The following GPR161 variants were observed in gnomAD, a reference collection of about 807,000 sequenced individuals.
GPR161 encodes G protein-coupled receptor 161.
A neutral mutation model predicts 39.2 loss-of-function variants in GPR161; 25 were observed. That is an observed-to-expected ratio of 0.64 (90% CI 0.47 to 0.89). The LOEUF is 0.89. GPR161 is among the 40% of genes least tolerant of loss of function. The pLI is 0.00. For synonymous variants in GPR161, 286 were observed against 276.6 expected (o/e 1.03, Z -0.34); for missense variants, 547 against 677.8 (o/e 0.81, Z 2.14).
intron 1 of GPR161, among the ~76,000 whole-genome samples, chr1:168,106,847 G>C (rs1696666413): frequency 6.6e-6 from 1 of 152,050 alleles, no homozygotes; most frequent in African/African-American, 2.4e-5. Flanking sequence ...CTCCAGCTTT[G>C]TGCTATGGAG....
rs1572278510 is a variant in GPR161, at chr1:168,098,649, G to A, written c.375-1417C>T. On this transcript the variant is annotated intron_variant, in intron 2 of 5. Transcript: ENST00000682931. This position sits in a 1 kb window ranked among gnomAD's most constrained non-coding sequence, Gnocchi z 4.1. ...CTGCCTCCTTGGTCTTCCTAAGCAG[G>A]GGTGAGCCTGGGGCTGCTCTGAGCT... Among the ~76,000 whole-genome samples the A allele has an allele frequency of 6.6e-6, 1 of 152,240 alleles. No individual in the cohort carries two copies. Among genetic ancestry groups the A allele is most frequent in the Non-Finnish European group, 1.5e-5 (1 of 68,036 alleles).
At chr1:168,112,446 C>G (rs1455655655) in intron 1 of GPR161, among the ~76,000 whole-genome samples, 3 of 135,224 alleles carry the variant, frequency 2.2e-5, no homozygotes, top group Admixed American at 7.9e-5. Flanking sequence ...CGCCACTACA[C>G]TCCAGCCTGG....
Position 168,136,903 on chromosome 1 carries a change from C to G in GPR161, c.-209G>C. 1 of 981,548 alleles carries G rather than the reference C, an allele frequency of 1.0e-6. No individual in the cohort carries two copies. 60.8% of individuals were successfully genotyped at this position (981,548 alleles called of 1,614,324 possible). ...TCCTCCCGCGGGCCAGCCACCAGCA[C>G]GCGGACCCGGGCGGGCGCAGGCCAA... On this transcript the variant is annotated 5_prime_UTR_variant, in exon 1 of 6. Coordinates refer to ENST00000682931, the MANE Select transcript of GPR161 (RefSeq NM_001375883.1).
At chr1:168,129,718 C>A (rs1698846455) in intron 1 of GPR161, among the ~76,000 whole-genome samples, 2 of 152,184 alleles carry the variant, frequency 1.3e-5, no homozygotes, top group Admixed American at 1.3e-4. Context: ...AAAATGAAAG[C>A]CCAAGGGGCT....
intron 1 of GPR161, among the ~76,000 whole-genome samples, chr1:168,132,416 T>C (rs1215418559): frequency 2.7e-5 from 4 of 150,048 alleles, no homozygotes; most frequent in Non-Finnish European, 4.4e-5. Flanking sequence ...TGAAACCCCG[T>C]CTCTACTAAA....
At chr1:168,105,057 G>A (rs1323876247) in intron 1 of GPR161, 163 bp from the exon 2 acceptor site, 2 of 591,386 alleles carry the variant, frequency 3.4e-6, no homozygotes, top group Admixed American at 6.0e-5. Flanking sequence ...TACATAAGTG[G>A]GCCATTTTCT....
At chr1:168,101,765 G>A (rs890027232) in intron 2 of GPR161, among the ~76,000 whole-genome samples, 5 of 152,056 alleles carry the variant, frequency 3.3e-5, no homozygotes, top group African/African-American at 1.2e-4. Flanking sequence ...TTAAAATCAC[G>A]CCCACTGCCC....
intron 1 of GPR161, 80 bp downstream of exon 1, chr1:168,136,659 G>A: frequency 8.4e-7 from 1 of 1,193,560 alleles, no homozygotes; most frequent in Non-Finnish European, 1.0e-6. Flanking sequence ...CCTCAGCCTC[G>A]CACAATGAGT....
At chr1:168,134,916 T>A in intron 1 of GPR161, 2 of 1,535,664 alleles carry the variant, frequency 1.3e-6, no homozygotes, top group South Asian at 1.2e-5. Flanking sequence ...CTCCTCTTGC[T>A]GACATTTAGG....
intron 2 of GPR161, among the ~76,000 whole-genome samples, chr1:168,100,661 T>C (rs1696012363): frequency 6.6e-6 from 1 of 152,126 alleles, no homozygotes; most frequent in African/African-American, 2.4e-5. Context: ...AGAAACAGAA[T>C]CTAAGCCAAT....
chr1:168,111,577 T>C (rs991271319), intron 1 of GPR161, among the ~76,000 whole-genome samples: 2 of 152,358 alleles, frequency 1.3e-5, no homozygotes, highest in Admixed American at 6.5e-5. Context: ...GAAGCCAACA[T>C]GCTGAGCATG....
intron 2 of GPR161, among the ~76,000 whole-genome samples, chr1:168,101,119 T>C (rs1397625006): frequency 1.3e-5 from 2 of 152,140 alleles, no homozygotes; most frequent in East Asian, 1.9e-4. Context: ...TTTTTTTTTT[T>C]TTCTTTTTTA....
At chr1:168,126,347 A>G (rs1208957456) in intron 1 of GPR161, among the ~76,000 whole-genome samples, 1 of 152,120 alleles carries the variant, frequency 6.6e-6, no homozygotes, top group Non-Finnish European at 1.5e-5. Context: ...CTTTCCAGAA[A>G]ATGCTACCTT....
At chr1:168,136,540 C>T (rs1191691104) in intron 1 of GPR161, 199 bp downstream of exon 1, 1 of 1,261,982 alleles carries the variant, frequency 7.9e-7, no homozygotes, top group East Asian at 3.1e-5. Flanking sequence ...CTCCAGCTCT[C>T]CAAAGCAAGG....
chr1:168,135,970 T>G (rs779006716), intron 1 of GPR161: 77 of 1,087,796 alleles, frequency 7.1e-5, no homozygotes, highest in Non-Finnish European at 8.4e-5. Flanking sequence ...TGGTTACTGG[T>G]GAGCAGACCT....
chr1:168,093,080 T>A (rs1280721571), intron 3 of GPR161, among the ~76,000 whole-genome samples: 1 of 152,122 alleles, frequency 6.6e-6, no homozygotes, highest in Non-Finnish European at 1.5e-5. Flanking sequence ...TCTTCTTGGC[T>A]CCCATTGCCA....
intron 5 of GPR161, among the ~76,000 whole-genome samples, chr1:168,086,340 C>G (rs1694488394): frequency 6.6e-6 from 1 of 152,214 alleles, no homozygotes; most frequent in African/African-American, 2.4e-5. Context: ...GAGCCCTAAA[C>G]TAAAACGAAC....
chr1:168,081,181 A>G lies in GPR161; in HGVS notation c.*4350T>C, dbSNP rs1694050585. On this transcript the variant is annotated 3_prime_UTR_variant, in exon 6 of 6. Transcript: ENST00000682931. The stretch of plus-strand genomic sequence containing the variant: ...GCCCGGCTGAGGATAGACATTTTTA[A>G]TAGAAAATCTCATTTTGGCTCCCTT... 2 of 152,120 alleles carry G rather than the reference A, an allele frequency of 1.3e-5. No homozygotes were observed. Among genetic ancestry groups the G allele is most frequent in the East Asian group, 1.9e-4 (1 of 5,174 alleles). 9.4% of individuals were successfully genotyped at this position (152,120 alleles called of 1,614,324 possible). A position where few individuals can be genotyped will look rare whatever the true frequency, so the allele number is the denominator to read the frequency against.
rs1369000040 is a variant in GPR161 at position 168,087,645 on chromosome 1, T to A, written c.1264A>T (p.Thr422Ser). Residue 422 changes from threonine (T) to serine (S), a missense_variant, in exon 5 of 6, where the codon ACT becomes TCT. Physicochemically the swap from Thr to Ser is moderately conservative, Grantham distance 58. Coordinates refer to ENST00000682931, the MANE Select transcript of GPR161 (RefSeq NM_001375883.1). Reference protein sequence around the residue: ...TSDDNPPSHCTCPPKRRSSVT... With the variant: ...TSDDNPPSHCSCPPKRRSSVT... ...GAGCTCCTTCTCTTGGGTGGGCAAG[T>A]GCAGTGAGAGGGAGGGTTGTCATCA... is the stretch of plus-strand genomic sequence containing the variant. 1 of 1,614,038 alleles carries A rather than the reference T, an allele frequency of 6.2e-7. No individual in the cohort carries two copies. Among genetic ancestry groups the A allele is most frequent in the East Asian group, 2.2e-5 (1 of 44,890 alleles).
Sources: allele counts gnomAD v4.1 joint callset (sites outside exome capture counted in the v4.1 genomes callset), GRCh38; gene constraint gnomAD v4.1.1; non-coding constraint Gnocchi (gnomAD v3.1); transcripts MANE v1.5; gene names NCBI Gene and HGNC (gene_info 2026-07-23, HGNC 2026-07-21).